LZTFL1: variants seen among roughly 807,000 people sequenced by gnomAD.
LZTFL1 encodes leucine zipper transcription factor like 1, also known as leucine zipper transcription factor-like protein 1.
In LZTFL1, 25 loss-of-function variants were observed where a neutral mutation model predicts 45.9. The ratio of observed to expected loss-of-function variants is 0.54; its 90% CI spans 0.40 to 0.76. The LOEUF is 0.76. Ranked by LOEUF, LZTFL1 falls within the 30% of genes least tolerant of loss-of-function variation. The pLI is 0.00. For missense variants in LZTFL1, 277 were observed against 331.1 expected, an observed-to-expected ratio of 0.84 and a Z score of 1.27; for synonymous variants, 93 against 117.4, an observed-to-expected ratio of 0.79 and a Z score of 1.35.
intron 5 of LZTFL1, chr3:45,832,564 A>ATT (rs375667071): frequency 3.5e-4 from 51 of 144,528 alleles, no homozygotes; most frequent in South Asian, 1.1e-3. Context: ...CTGATAAATA[A>ATT]TTTTTTTTTT....
intron 2 of LZTFL1, among the ~76,000 whole-genome samples, chr3:45,907,086 T>C (rs1372906688): frequency 2.6e-5 from 4 of 152,180 alleles, no homozygotes; most frequent in African/African-American, 9.7e-5. Context: ...GCTCTGTCCA[T>C]CCTGCCCATG....
upstream of LZTFL1, among the ~76,000 whole-genome samples, chr3:45,846,234 G>A (rs1701214689): frequency 6.6e-6 from 1 of 152,158 alleles, no homozygotes; most frequent in Non-Finnish European, 1.5e-5. Context: ...ACTTTGAGGT[G>A]ATTTATATAA....
At chr3:45,874,152 C>CCCTTTG (rs1307268042) in intron 2 of LZTFL1, among the ~76,000 whole-genome samples, 4 of 152,156 alleles carry the variant, frequency 2.6e-5, no homozygotes, top group Non-Finnish European at 5.9e-5. Context: ...CATTAATATT[C>CCCTTTG]CCTTTGCTTT....
chr3:45,884,987 T>C (rs910070376), intron 2 of LZTFL1, among the ~76,000 whole-genome samples: 14 of 114,906 alleles, frequency 1.2e-4, no homozygotes, highest in African/African-American at 7.9e-4. Context: ...CACGGCTCCC[T>C]CGCACCGCCG....
At chr3:45,851,921 T>G (rs1218257612) in intron 4 of LZTFL1, among the ~76,000 whole-genome samples, 1 of 152,180 alleles carries the variant, frequency 6.6e-6, no homozygotes, top group South Asian at 2.1e-4. Flanking sequence ...TTGACATTTT[T>G]TCCCCAATTT....
At chr3:45,904,894 A>C (rs887272862) in intron 2 of LZTFL1, among the ~76,000 whole-genome samples, 2 of 152,200 alleles carry the variant, frequency 1.3e-5, no homozygotes, top group African/African-American at 4.8e-5. Flanking sequence ...AGAACAAAGC[A>C]CAGCCGAAAT....
At chr3:45,873,518 T>G (rs1423072571) in intron 2 of LZTFL1, among the ~76,000 whole-genome samples, 1 of 152,202 alleles carries the variant, frequency 6.6e-6, no homozygotes, top group African/African-American at 2.4e-5. Context: ...GTAAAATTGT[T>G]TACTGCATAG....
chr3:45,860,109 G>A (rs1235731181), intron 2 of LZTFL1, among the ~76,000 whole-genome samples: 1 of 152,154 alleles, frequency 6.6e-6, no homozygotes, highest in East Asian at 1.9e-4. Context: ...CTTCTTGGGA[G>A]GCTGAGGTGG....
intron 2 of LZTFL1, among the ~76,000 whole-genome samples, chr3:45,863,850 T>C (rs1701535226): frequency 6.6e-6 from 1 of 152,206 alleles, no homozygotes; most frequent in Non-Finnish European, 1.5e-5. Flanking sequence ...CAGGATTGGT[T>C]CCTCGTTTGG....
rs1700597692 is a variant in LZTFL1 at position 45,823,732 on chromosome 3, A to G, written c.*2582T>C. ...TTCTGGAAGACTGGCTTACATGACAATTTATGATTTGAATATCTAGTGGCA... is the reference window on the plus strand; with the variant it reads ...TTCTGGAAGACTGGCTTACATGACAGTTTATGATTTGAATATCTAGTGGCA... On this transcript the variant is annotated 3_prime_UTR_variant, in exon 10 of 10. Transcript: ENST00000296135. The G allele has an allele frequency of 6.6e-6, 1 of 152,260 alleles. No individual in the cohort carries two copies. Among genetic ancestry groups the G allele is most frequent in the Admixed American group, 6.5e-5 (1 of 15,286 alleles). 9.4% of individuals were successfully genotyped at this position (152,260 alleles called of 1,614,324 possible).
At chr3:45,836,611 T>A (rs1309887217) in intron 2 of LZTFL1, among the ~76,000 whole-genome samples, 1 of 152,110 alleles carries the variant, frequency 6.6e-6, no homozygotes, top group African/African-American at 2.4e-5. Flanking sequence ...GCCGACATCA[T>A]GCCACCGCAC....
At chr3:45,840,030 T>C (rs1002016412) in intron 1 of LZTFL1, among the ~76,000 whole-genome samples, 1 of 152,234 alleles carries the variant, frequency 6.6e-6, no homozygotes, top group South Asian at 2.1e-4. Flanking sequence ...CTCTTCCAAG[T>C]AGATTGTAAA....
rs201928190 is a variant in LZTFL1, at chr3:45,833,140, A to T, written c.385-19T>A. ...AGATGGGCTGAAACAAAATAAAGAA[A>T]CCAAACTGAAATCACCACAGAATAA... On this transcript the variant is annotated intron_variant, in intron 4 of 9. Coordinates refer to ENST00000296135, the MANE Select transcript of LZTFL1 (RefSeq NM_020347.4). 6.3e-7 allele frequency: 1 copy of T among 1,575,404 alleles called. No homozygotes were observed. Among genetic ancestry groups the T allele is most frequent in the East Asian group, 2.2e-5 (1 of 44,656 alleles).
chr3:45,885,308 A>G (rs1701950404), intron 2 of LZTFL1, among the ~76,000 whole-genome samples: 1 of 152,224 alleles, frequency 6.6e-6, no homozygotes, highest in African/African-American at 2.4e-5. Flanking sequence ...CATAACAATG[A>G]CAGGAAATCA....
intron 4 of LZTFL1, among the ~76,000 whole-genome samples, chr3:45,847,369 G>A (rs545783696): frequency 6.6e-6 from 1 of 152,224 alleles, no homozygotes; most frequent in East Asian, 1.9e-4. Context: ...TCTCCGCTGG[G>A]GTTCTCCTCC....
chr3:45,896,687 T>A (rs1367420320), intron 2 of LZTFL1, among the ~76,000 whole-genome samples: 1 of 152,188 alleles, frequency 6.6e-6, no homozygotes, highest in Non-Finnish European at 1.5e-5. Flanking sequence ...GGTCTCAATG[T>A]TGGGATTTAA....
intron 2 of LZTFL1, among the ~76,000 whole-genome samples, chr3:45,865,348 A>G (rs1276269280): frequency 2.0e-5 from 3 of 152,268 alleles, no homozygotes; most frequent in African/African-American, 7.2e-5. Flanking sequence ...TGAGGTTTAC[A>G]TGCACTGATG....
intron 2 of LZTFL1, among the ~76,000 whole-genome samples, chr3:45,898,557 C>G (rs1349123337): frequency 6.6e-6 from 1 of 152,224 alleles, no homozygotes; most frequent in Admixed American, 6.5e-5. Context: ...GCTCCTGGGT[C>G]CCTCTCTTTG....
At chr3:45,897,107 G>A (rs909355516) in intron 2 of LZTFL1, among the ~76,000 whole-genome samples, 2 of 152,150 alleles carry the variant, frequency 1.3e-5, no homozygotes, top group Admixed American at 6.5e-5. Context: ...CCAGGACACA[G>A]ACAGGCAGGA....
Sources: gnomAD v4.1 joint callset for allele counts (sites outside exome capture counted in the v4.1 genomes callset) on GRCh38, gnomAD v4.1.1 for gene constraint, MANE v1.5 for transcripts, NCBI Gene and HGNC (gene_info 2026-07-23, HGNC 2026-07-21) for gene names.